Variants in PTPRC observed in about 807,000 individuals in gnomAD.
PTPRC encodes receptor-type tyrosine-protein phosphatase C.
PTPRC carries 44 observed loss-of-function variants against 155.9 expected under a neutral mutation model. The ratio of observed to expected loss-of-function variants is 0.28; its 90% confidence interval spans 0.22 to 0.36. PTPRC has a LOEUF of 0.36. PTPRC is among the 10% of genes least tolerant of loss of function. The pLI is 1.00. For missense variants in PTPRC, 1,401 were observed against 1,564.6 expected, an observed-to-expected ratio of 0.90 and a Z score of 1.76; for synonymous variants, 525 against 533.1, an observed-to-expected ratio of 0.98 and a Z score of 0.21.
Position 198,757,253 on chromosome 1 carries a change from A to T in PTPRC, c.*1072A>T, listed in dbSNP as rs1268755784. 5 of 152,032 alleles carry T rather than the reference A, an allele frequency of 3.3e-5. No individual in the cohort carries two copies. In the East Asian group the frequency reaches 9.7e-4, roughly 29 times the overall value. The allele number at this position is 152,032 out of a possible 1,614,324, so 9.4% of individuals were successfully genotyped here. A position where few individuals can be genotyped will look rare whatever the true frequency, so the allele number is the denominator to read the frequency against. On this transcript the variant is annotated 3_prime_UTR_variant, in exon 33 of 33. Transcript: ENST00000442510. ...GAATGGATGTCGCTAATCATAATAA[A>T]ATTCAACCATTATTTTTTTCTTGTT...
Position 198,682,600 on chromosome 1 carries a change from T to G in PTPRC, c.74-9747T>G, listed in dbSNP as rs10081969. Among the ~76,000 whole-genome samples, 1,386 of 152,296 alleles carry G rather than the reference T, an allele frequency of 9.1e-3. 20 individuals carry two copies. Among genetic ancestry groups the G allele is most frequent in the African/African-American group, 0.032 (1,310 of 41,566 alleles). On this transcript the variant is annotated intron_variant, in intron 2 of 32. Transcript: ENST00000442510. ...TCTATGGGGAGCTTCATTTACCTATTCTTTCCCTCACCCCACTTCTTTTAC... is the reference window on the plus strand; with the variant it reads ...TCTATGGGGAGCTTCATTTACCTATGCTTTCCCTCACCCCACTTCTTTTAC...
At position 198,647,841 on chromosome 1, in the gene PTPRC, C is replaced by T. The variant is rs1249939063; in HGVS notation, c.73+8500C>T. On this transcript the variant is annotated intron_variant, in intron 2 of 32. Coordinates refer to ENST00000442510, the MANE Select transcript of PTPRC (RefSeq NM_002838.5). ...TCCATGTAATTTGGGCTGAGGACAC[C>T]TATCCCATGAAGCCCGTATTTTCTA... 2.0e-5 allele frequency among the ~76,000 whole-genome samples: 3 copies of T among 151,788 alleles called. No individual in the cohort carries two copies. The East Asian group carries it at 5.8e-4, about 29-fold the overall frequency.
chr1:198,720,071 A>G (rs1173327377), intron 14 of PTPRC, among the ~76,000 whole-genome samples: 1 of 151,718 alleles, frequency 6.6e-6, no homozygotes, highest in Non-Finnish European at 1.5e-5. Context: ...ATGATGCAAA[A>G]CCATTGTCAC....
chr1:198,741,722 T>C, intron 23 of PTPRC, 147 bp from the exon 24 acceptor site: 1 of 791,320 alleles, frequency 1.3e-6, no homozygotes, highest in Non-Finnish European at 2.0e-6. Flanking sequence ...TGAGAAAATA[T>C]ATAAGACACC....
At chr1:198,737,124 C>T (rs1318091407) in intron 23 of PTPRC, among the ~76,000 whole-genome samples, 2 of 151,618 alleles carry the variant, frequency 1.3e-5, no homozygotes, top group South Asian at 2.1e-4. Context: ...CAAATATTTT[C>T]CCTCATTCTG....
intron 2 of PTPRC, among the ~76,000 whole-genome samples, chr1:198,665,304 G>T (rs576223849): frequency 6.7e-6 from 1 of 149,612 alleles, no homozygotes; most frequent in African/African-American, 2.5e-5. Flanking sequence ...GGGTTTCACC[G>T]CCCTGCTGCC....
At chr1:198,732,442 C>T (rs765999679) in intron 19 of PTPRC, 38 bp from the exon 20 acceptor site, 9 of 1,598,696 alleles carry the variant, frequency 5.6e-6, no homozygotes, top group Non-Finnish European at 7.7e-6. Flanking sequence ...CTTGATTATT[C>T]ACTATTTCAC....
intron 5 of PTPRC, among the ~76,000 whole-genome samples, chr1:198,701,695 G>A (rs1472619009): frequency 6.6e-6 from 1 of 152,194 alleles, no homozygotes. Flanking sequence ...TAGCAACTAT[G>A]TGATTGAAAA....
chr1:198,732,871 C>T (rs1003114882), intron 20 of PTPRC, among the ~76,000 whole-genome samples: 9 of 151,802 alleles, frequency 5.9e-5, no homozygotes, highest in African/African-American at 2.2e-4. Flanking sequence ...CCACATTTGC[C>T]TCAGCCATGT....
intron 2 of PTPRC, among the ~76,000 whole-genome samples, chr1:198,663,780 A>C (rs951727023): frequency 1.3e-5 from 2 of 152,234 alleles, no homozygotes; most frequent in African/African-American, 4.8e-5. Context: ...ATTTGAGTGC[A>C]TACCTCACAG....
intron 3 of PTPRC, among the ~76,000 whole-genome samples, chr1:198,696,230 G>A (rs1357788657): frequency 1.3e-5 from 2 of 149,844 alleles, no homozygotes; most frequent in Non-Finnish European, 3.0e-5. Context: ...ATGAGTAAAT[G>A]GAAGTTTTGT....
In PTPRC at chr1:198,696,783, T is replaced by G; in HGVS notation, c.172T>G (p.Ser58Ala). The part of the protein sequence containing the change: ...DPLPTHTTAF[S>A]PASTFEREND... ...CTTACCTACTCACACCACTGCATTC[T>G]CACCCGCAAGCACCTTTGAAAGAGA... The change falls in exon 4 of 33, where the codon TCA becomes GCA. Residue 58 changes from serine to alanine, a missense_variant. This residue lies in a region of PTPRC where 867 missense variants were observed against 970.4 expected (regional missense o/e 0.89). Transcript: ENST00000442510. 7 of 1,614,102 alleles carry G rather than the reference T, an allele frequency of 4.3e-6. No homozygotes were observed. Among genetic ancestry groups the G allele is most frequent in the Non-Finnish European group, 5.9e-6 (7 of 1,179,964 alleles).
rs1655438117 is a variant in PTPRC, at chr1:198,752,657, G to C, written c.3394G>C (p.Ala1132Pro). ...AAACTGGAGTGTGGAGCAGCTTCCT[G>C]CAGAACCCAAGGAATTAATCTCTAT... Reference protein sequence around the residue: ...YTNWSVEQLPAEPKELISMIQ... With the variant: ...YTNWSVEQLPPEPKELISMIQ... Residue 1132 changes from alanine (A) to proline (P), a missense_variant, in exon 31 of 33, where the codon GCA (alanine) becomes CCA (proline). Coordinates refer to ENST00000442510, the MANE Select transcript of PTPRC (RefSeq NM_002838.5). 3 of 1,612,658 alleles carry C rather than the reference G, an allele frequency of 1.9e-6. No homozygotes were observed. Among genetic ancestry groups the C allele is most frequent in the Non-Finnish European group, 2.5e-6 (3 of 1,179,268 alleles).
intron 2 of PTPRC, among the ~76,000 whole-genome samples, chr1:198,688,450 A>G (rs1665751180): frequency 6.6e-6 from 1 of 152,200 alleles, no homozygotes; most frequent in South Asian, 2.1e-4. Flanking sequence ...CTCTAGCTCC[A>G]GAAACCTCTT....
At chr1:198,710,365 T>TAA (rs1653233130) in intron 11 of PTPRC, among the ~76,000 whole-genome samples, 1 of 152,202 alleles carries the variant, frequency 6.6e-6, no homozygotes. Flanking sequence ...CTGGAAACTG[T>TAA]AAGTTCCCCC....
intron 11 of PTPRC, among the ~76,000 whole-genome samples, chr1:198,711,119 C>T (rs1372970314): frequency 7.9e-5 from 12 of 152,120 alleles, no homozygotes; most frequent in East Asian, 1.9e-4. Context: ...CCACCATGCC[C>T]GGCCCGTGAT....
chr1:198,732,219 T>G (rs1368257051), intron 18 of PTPRC, 81 bp from the exon 19 acceptor site: 1 of 1,085,572 alleles, frequency 9.2e-7, no homozygotes, highest in Non-Finnish European at 1.4e-6. Flanking sequence ...GGATATCTCA[T>G]TTACTCAAAA....
At chr1:198,748,036 G>C in intron 26 of PTPRC, 73 bp from the exon 27 acceptor site, 1 of 1,531,184 alleles carries the variant, frequency 6.5e-7, no homozygotes, top group Non-Finnish European at 8.8e-7. Flanking sequence ...TTTTCCTTAG[G>C]GAGCATCTTA....
intron 2 of PTPRC, among the ~76,000 whole-genome samples, chr1:198,689,170 C>T (rs929753790): frequency 1.8e-5 from 2 of 112,752 alleles, no homozygotes; most frequent in African/African-American, 7.3e-5. Context: ...AAATAATATA[C>T]ATCATGTATT....
Sources: allele counts gnomAD v4.1 joint callset (sites outside exome capture counted in the v4.1 genomes callset), GRCh38; gene constraint gnomAD v4.1.1; regional missense constraint gnomAD v4.1.1; transcripts MANE v1.5; gene names NCBI Gene and HGNC (gene_info 2026-07-23, HGNC 2026-07-21).